Variants in RSU1 observed in about 807,000 individuals in gnomAD.
RSU1 encodes the protein rsu-1.
In RSU1, 26 loss-of-function variants were observed where a neutral mutation model predicts 31.1. The observed-to-expected ratio is 0.84, with a 90% CI of 0.61 to 1.16. The LOEUF (loss-of-function observed/expected upper bound fraction) is 1.16, where lower values mean the gene tolerates loss of function less well. Among genes scored for constraint, RSU1 ranks in the 50% most tolerant of loss-of-function variants. The probability of loss-of-function intolerance (pLI) is 0.00; values close to 1 mark genes in which losing one functional copy is unlikely to be tolerated. For missense variants in RSU1, 320 were observed against 339.1 expected, an observed-to-expected ratio of 0.94 and a Z score of 0.44; for synonymous variants, 164 against 136.3, an observed-to-expected ratio of 1.20 and a Z score of -1.41.
In RSU1 at chr10:16,738,877, C is replaced by T. The variant is rs555887876; in HGVS notation, c.598+13662G>A. On this transcript the variant is annotated intron_variant, in intron 7 of 8. Transcript: ENST00000345264. ...CTCTCCTTGCCCCCCACCCCCCCAG[C>T]GGACCCCAGGGTGTGATGTTCCCCT... 1.3e-4 allele frequency among the ~76,000 whole-genome samples: 19 copies of T among 149,792 alleles called. No individual in the cohort carries two copies. The South Asian group carries it at 2.1e-3, about 17-fold the overall frequency.
In RSU1 at chr10:16,753,066, T is replaced by C. The variant is rs928828830; in HGVS notation, c.401-66A>G. On this transcript the variant is annotated intron_variant, in intron 5 of 8. Transcript: ENST00000345264. Reference sequence around the variant, plus strand: ...ACACAACCATTTGAGGTCTGATCAATACGAGGGAGTCAGCTTTGATTAATA... The same window carrying C: ...ACACAACCATTTGAGGTCTGATCAACACGAGGGAGTCAGCTTTGATTAATA... The C allele has an allele frequency of 3.4e-5, 42 of 1,234,046 alleles. 1 individual carries two copies. The highest frequency in any genetic ancestry group is 7.1e-5 in the Admixed American group (4 of 56,636). The allele number at this position is 1,234,046 out of a possible 1,614,324, so 76.4% of individuals were successfully genotyped here.
chr10:16,776,887 C>A (rs891714106), intron 3 of RSU1, among the ~76,000 whole-genome samples: 5 of 149,584 alleles, frequency 3.3e-5, no homozygotes, highest in African/African-American at 1.2e-4. Context: ...AGATGGCCAT[C>A]ATTTACTGGA....
chr10:16,685,380 G>T (rs889425084), intron 8 of RSU1, among the ~76,000 whole-genome samples: 1 of 152,228 alleles, frequency 6.6e-6, no homozygotes, highest in East Asian at 1.9e-4. Context: ...ACAGAGTAAA[G>T]TTAAAGGAAG....
At chr10:16,632,061 G>A (rs924521418) in intron 8 of RSU1, among the ~76,000 whole-genome samples, 3 of 152,094 alleles carry the variant, frequency 2.0e-5, no homozygotes, top group Non-Finnish European at 4.4e-5. Flanking sequence ...CCCAGAAAGC[G>A]GGTGTGGGAA....
chr10:16,635,863 C>T (rs1050141897), intron 8 of RSU1, among the ~76,000 whole-genome samples: 6 of 152,214 alleles, frequency 3.9e-5, no homozygotes, highest in African/African-American at 1.4e-4. Context: ...TCCACATCCT[C>T]AACTCCAAAG....
At chr10:16,662,726 C>T (rs1323296736) in intron 8 of RSU1, among the ~76,000 whole-genome samples, 1 of 152,110 alleles carries the variant, frequency 6.6e-6, no homozygotes, top group Non-Finnish European at 1.5e-5. Context: ...CAAACTTCAA[C>T]TGGTTAGATA....
At chr10:16,618,762 A>G (rs547702760) in intron 8 of RSU1, among the ~76,000 whole-genome samples, 23 of 152,302 alleles carry the variant, frequency 1.5e-4, no homozygotes, top group African/African-American at 4.6e-4. Context: ...ATCACTCATA[A>G]GTGGTAGTTG....
chr10:16,757,166 T>C (rs989866453), intron 4 of RSU1, among the ~76,000 whole-genome samples: 3 of 151,950 alleles, frequency 2.0e-5, no homozygotes, highest in African/African-American at 7.3e-5. Flanking sequence ...AATTTTTTTC[T>C]ACACTATCTT....
intron 8 of RSU1, among the ~76,000 whole-genome samples, chr10:16,617,271 C>A (rs887288075): frequency 6.6e-6 from 1 of 152,142 alleles, no homozygotes; most frequent in African/African-American, 2.4e-5. Context: ...AGGAATCCAC[C>A]TTACAAGGGA....
intron 8 of RSU1, among the ~76,000 whole-genome samples, chr10:16,646,061 TAC>T (rs57414227): frequency 0.39 from 30,534 of 78,884 alleles, 9,615 homozygotes; most frequent in Middle Eastern, 0.54. Context: ...TATATATATA[TAC>T]ACACACACAC....
At chr10:16,666,181 A>T (rs1240801016) in intron 8 of RSU1, among the ~76,000 whole-genome samples, 1 of 152,176 alleles carries the variant, frequency 6.6e-6, no homozygotes, top group African/African-American at 2.4e-5. Flanking sequence ...AGGTCTGTAT[A>T]CTAGAATACA....
rs12358568 is a variant in RSU1, at chr10:16,788,861, C to T, written c.110-6777G>A. 3.0e-4 allele frequency among the ~76,000 whole-genome samples: 45 copies of T among 152,272 alleles called. No homozygotes were observed. The East Asian group carries it at 6.9e-3, about 23-fold the overall frequency. ...TACAAGGCTGGCTTCTGGGTGACCA[C>T]GTGCCAGCTAAAAATTAGGGGTTTT... On this transcript the variant is annotated intron_variant, in intron 2 of 8. Transcript: ENST00000345264.
In RSU1 at chr10:16,695,169, A is replaced by AC. The variant is rs752388577; in HGVS notation, c.599-15_599-14insG. Reference sequence around the variant, plus strand: ...AATCCAAGTTTCCTGGGGGGGGGGAAAAAAAAAGTGAAGGTCACTTCATCC... The same window carrying AC: ...AATCCAAGTTTCCTGGGGGGGGGGAACAAAAAAAGTGAAGGTCACTTCATCC... On this transcript the variant is annotated splice_polypyrimidine_tract_variant and intron_variant, in intron 7 of 8. Transcript: ENST00000345264. 5.7e-6 allele frequency: 7 copies of AC among 1,220,736 alleles called. No individual in the cohort carries two copies. The African/African-American group carries it at 1.0e-4, about 17-fold the overall frequency. The allele number at this position is 1,220,736 out of a possible 1,614,324, so 75.6% of individuals were successfully genotyped here. A position where few individuals can be genotyped will look rare whatever the true frequency, so the allele number is the denominator to read the frequency against.
At chr10:16,782,005 A>C in intron 3 of RSU1, 29 bp downstream of exon 3, 1 of 1,601,888 alleles carries the variant, frequency 6.2e-7, no homozygotes, top group Non-Finnish European at 8.5e-7. Flanking sequence ...AAATGTCAGA[A>C]ACTGTAACAA....
chr10:16,751,077 G>C (rs1245919613), intron 7 of RSU1, among the ~76,000 whole-genome samples: 1 of 152,042 alleles, frequency 6.6e-6, no homozygotes. Context: ...ATGTTGCACA[G>C]GCTGGTCTCA....
At position 16,616,256 on chromosome 10, in the gene RSU1, C is replaced by A. The variant is rs745355034; in HGVS notation, c.732-22760G>T. 2.6e-5 allele frequency among the ~76,000 whole-genome samples: 4 copies of A among 151,142 alleles called. No homozygotes were observed. In the East Asian group the frequency reaches 7.8e-4, roughly 29 times the overall value. On this transcript the variant is annotated intron_variant, in intron 8 of 8. Transcript: ENST00000345264. Reference sequence around the variant, plus strand: ...CTAAAACTAGAAAATCTAGAAGAAACGGATAAATTCCTGGACACACACCCC... The same window carrying A: ...CTAAAACTAGAAAATCTAGAAGAAAAGGATAAATTCCTGGACACACACCCC...
At chr10:16,746,369 G>A (rs1386770616) in intron 7 of RSU1, among the ~76,000 whole-genome samples, 6 of 152,122 alleles carry the variant, frequency 3.9e-5, no homozygotes, top group African/African-American at 7.2e-5. Context: ...TTGTTTTGTT[G>A]CATGCCGAGC....
intron 8 of RSU1, among the ~76,000 whole-genome samples, chr10:16,679,664 G>T (rs1000423779): frequency 6.6e-6 from 1 of 152,170 alleles, no homozygotes. Flanking sequence ...AAAGCAGGTT[G>T]TATCTCTGCT....
intron 8 of RSU1, among the ~76,000 whole-genome samples, chr10:16,618,452 T>C (rs1004121616): frequency 1.3e-5 from 2 of 152,164 alleles, no homozygotes; most frequent in African/African-American, 4.8e-5. Context: ...AAAATACCAT[T>C]TGACTCAGCA....
Sources: gnomAD v4.1 joint callset for allele counts (sites outside exome capture counted in the v4.1 genomes callset) on GRCh38, gnomAD v4.1.1 for gene constraint, MANE v1.5 for transcripts, NCBI Gene and HGNC (gene_info 2026-07-23, HGNC 2026-07-21) for gene names.